ITGA6: variants seen among roughly 807,000 people sequenced by gnomAD.
ITGA6 encodes the protein integrin alpha-6.
In ITGA6, 63 loss-of-function variants were observed where a neutral mutation model predicts 133.6. The observed-to-expected ratio is 0.47, with a 90% CI of 0.38 to 0.58. ITGA6 has a LOEUF of 0.58. Among genes scored for constraint, ITGA6 ranks in the 20% least tolerant of loss-of-function variants. The pLI is 0.00. For missense variants in ITGA6, 1,068 were observed against 1,309.4 expected, an observed-to-expected ratio of 0.82 and a Z score of 2.85; for synonymous variants, 434 against 482.0, an observed-to-expected ratio of 0.90 and a Z score of 1.30.
chr2:172,467,670 G>T, intron 3 of ITGA6, 110 bp downstream of exon 3: 1 of 838,852 alleles, frequency 1.2e-6, no homozygotes, highest in Non-Finnish European at 2.0e-6. Flanking sequence ...CGAACTTACT[G>T]CTTTAAAGCA....
intron 1 of ITGA6, among the ~76,000 whole-genome samples, chr2:172,441,826 A>G (rs1031807477): frequency 1.3e-5 from 2 of 152,202 alleles, no homozygotes; most frequent in African/African-American, 4.8e-5. Context: ...AGCTACAGAC[A>G]GAGCTGTGCC....
Position 172,504,399 on chromosome 2 carries a change from A to T in ITGA6, c.*331A>T. On this transcript the variant is annotated 3_prime_UTR_variant, in exon 26 of 26. Coordinates refer to ENST00000684293, the MANE Select transcript of ITGA6 (RefSeq NM_000210.4). ...TACGAACCTACAGTTTTAACTGTGG[A>T]TATTGTTACGTAGCCTAAGGCTCCT... is the stretch of plus-strand genomic sequence containing the variant. 1 of 543,282 alleles carries T rather than the reference A, an allele frequency of 1.8e-6. No homozygotes were observed. Among genetic ancestry groups the T allele is most frequent in the Non-Finnish European group, 3.2e-6 (1 of 316,724 alleles). The allele number at this position is 543,282 out of a possible 1,614,324, so 33.7% of individuals were successfully genotyped here. A position where few individuals can be genotyped will look rare whatever the true frequency, so the allele number is the denominator to read the frequency against.
intron 23 of ITGA6, among the ~76,000 whole-genome samples, chr2:172,496,573 T>A (rs1687135589): frequency 6.6e-6 from 1 of 152,192 alleles, no homozygotes; most frequent in South Asian, 2.1e-4. Context: ...CATAGCAGCA[T>A]CCAGGGTTCA....
chr2:172,457,438 A>C (rs1685257163), intron 1 of ITGA6, among the ~76,000 whole-genome samples: 1 of 152,184 alleles, frequency 6.6e-6, no homozygotes, highest in Non-Finnish European at 1.5e-5. Flanking sequence ...TGGGTTAGGC[A>C]TTGCTCTCTG....
chr2:172,465,921 T>C (rs1169388895), intron 2 of ITGA6: 1 of 561,760 alleles, frequency 1.8e-6, no homozygotes, highest in Non-Finnish European at 3.2e-6. Context: ...CACCTAGTGA[T>C]GTGTTGAGGT....
intron 1 of ITGA6, among the ~76,000 whole-genome samples, chr2:172,461,471 G>A (rs36002642): frequency 0.16 from 24,788 of 152,172 alleles, 2,214 homozygotes; most frequent in Non-Finnish European, 0.2. Flanking sequence ...CTCAGGCTCT[G>A]CTCTGTTAAT....
chr2:172,441,808 C>T (rs187811619), intron 1 of ITGA6, among the ~76,000 whole-genome samples: 7 of 152,210 alleles, frequency 4.6e-5, no homozygotes, highest in African/African-American at 1.7e-4. Context: ...TGTCATAGTC[C>T]TGCAGCCAGC....
intron 1 of ITGA6, chr2:172,464,588 A>C (rs994420487): frequency 3.3e-5 from 5 of 152,238 alleles, no homozygotes; most frequent in Non-Finnish European, 5.9e-5. Context: ...ATGGTGAGTA[A>C]AGGTGTTAGC....
chr2:172,427,592 C>T lies in ITGA6; in HGVS notation c.-197C>T, dbSNP rs1683896122. On this transcript the variant is annotated 5_prime_UTR_variant, in exon 1 of 26. Coordinates refer to ENST00000684293, the MANE Select transcript of ITGA6 (RefSeq NM_000210.4). ...CTGCGAGTCTCCAGAGAACAACGGG[C>T]TCATTCAGCGGTCGCGAGCTGCCCG... 7.9e-7 allele frequency: 1 copy of T among 1,266,280 alleles called. No homozygotes were observed. Among genetic ancestry groups the T allele is most frequent in the Non-Finnish European group, 9.9e-7 (1 of 1,009,072 alleles). The allele number at this position is 1,266,280 out of a possible 1,614,324, so 78.4% of individuals were successfully genotyped here.
At chr2:172,494,403 G>A (rs1457358106) in intron 23 of ITGA6, among the ~76,000 whole-genome samples, 5 of 152,138 alleles carry the variant, frequency 3.3e-5, no homozygotes, top group African/African-American at 1.2e-4. Flanking sequence ...AGCTACCTGG[G>A]AGGCTGAGCT....
At chr2:172,502,965 CTTTTTTTTT>C (rs1227304560) in intron 25 of ITGA6, among the ~76,000 whole-genome samples, 3 of 150,438 alleles carry the variant, frequency 2.0e-5, no homozygotes, top group Non-Finnish European at 3.0e-5. Flanking sequence ...GCTTTTTTTT[CTTTTTTTTT>C]GCACAGAATA....
Position 172,461,774 on chromosome 2 carries a change from C to T in ITGA6, c.183-3765C>T, listed in dbSNP as rs1169781914. Among the ~76,000 whole-genome samples the T allele has an allele frequency of 2.0e-5, 3 of 152,206 alleles. No homozygotes were observed. The East Asian group carries it at 5.8e-4, about 29-fold the overall frequency. On this transcript the variant is annotated intron_variant, in intron 1 of 25. Transcript: ENST00000684293. ...GAGCATAAATTGGATTTTGTGTGGG[C>T]TGAGGGTCCTCCTAGGTGTAGACTG... is the stretch of plus-strand genomic sequence containing the variant.
rs1683896237 is a variant in ITGA6, at chr2:172,427,595, A to T, written c.-194A>T. The T allele has an allele frequency of 7.9e-7, 1 of 1,267,922 alleles. No homozygotes were observed. Among genetic ancestry groups the T allele is most frequent in the Admixed American group, 4.4e-5 (1 of 22,912 alleles). 78.5% of individuals were successfully genotyped at this position (1,267,922 alleles called of 1,614,324 possible). A position where few individuals can be genotyped will look rare whatever the true frequency, so the allele number is the denominator to read the frequency against. ...CGAGTCTCCAGAGAACAACGGGCTC[A>T]TTCAGCGGTCGCGAGCTGCCCGCGA... On this transcript the variant is annotated 5_prime_UTR_variant, in exon 1 of 26. Transcript: ENST00000684293.
chr2:172,504,043 T>C (rs1444252317), intron 25 of ITGA6, 48 bp from the exon 26 acceptor site: 1 of 1,457,382 alleles, frequency 6.9e-7, no homozygotes, highest in Non-Finnish European at 9.2e-7. Context: ...GTGTATTTGC[T>C]TCTTTGTGAG....
intron 9 of ITGA6, 38 bp downstream of exon 9, chr2:172,476,551 T>C: frequency 8.5e-7 from 1 of 1,182,478 alleles, no homozygotes; most frequent in South Asian, 1.2e-5. Context: ...GCATGTTCTA[T>C]AATCAGGTTA....
chr2:172,441,558 T>TAAAAAAAAAAAAAAAAAA (rs1559116474), intron 1 of ITGA6, among the ~76,000 whole-genome samples: 1 of 64,858 alleles, frequency 1.5e-5, no homozygotes, highest in African/African-American at 6.2e-5. Context: ...CGCTGTCTCT[T>TAAAAAAAAAAAAAAAAAA]TAAAAAAAAA....
chr2:172,503,073 A>G (rs3792260), intron 25 of ITGA6, among the ~76,000 whole-genome samples: 12,522 of 152,010 alleles, frequency 0.082, 1,378 homozygotes, highest in East Asian at 0.51. Context: ...ATATAATTTT[A>G]TCTTGCTCCA....
intron 23 of ITGA6, among the ~76,000 whole-genome samples, chr2:172,493,064 C>A (rs898420633): frequency 3.2e-5 from 4 of 124,754 alleles, no homozygotes; most frequent in African/African-American, 7.0e-5. Context: ...TGCCACCACG[C>A]CCAGCTAATT....
chr2:172,478,259 C>A (rs1045336176), intron 9 of ITGA6, among the ~76,000 whole-genome samples: 5 of 152,144 alleles, frequency 3.3e-5, no homozygotes, highest in Non-Finnish European at 7.4e-5. Context: ...CTTTATTGGA[C>A]CCTACCTTCA....
Sources: gnomAD v4.1 joint callset for allele counts (sites outside exome capture counted in the v4.1 genomes callset) on GRCh38, gnomAD v4.1.1 for gene constraint, MANE v1.5 for transcripts, NCBI Gene and HGNC (gene_info 2026-07-23, HGNC 2026-07-21) for gene names.